Variants in ANXA3 observed in about 807,000 individuals in gnomAD.
ANXA3 encodes the protein annexin A3.
In ANXA3, 46 loss-of-function variants were observed where a neutral mutation model predicts 48.8. That is an observed-to-expected ratio of 0.94 (90% CI 0.74 to 1.21). The LOEUF (loss-of-function observed/expected upper bound fraction) is 1.21, where lower values mean the gene tolerates loss of function less well. Among genes scored for constraint, ANXA3 ranks in the 50% most tolerant of loss-of-function variants. The pLI is 0.00. For synonymous variants in ANXA3, 128 were observed against 134.7 expected, an observed-to-expected ratio of 0.95 and a Z score of 0.35; for missense variants, 383 against 378.6, an observed-to-expected ratio of 1.01 and a Z score of -0.10.
intron 1 of ANXA3, chr4:78,552,099 G>T (rs919176996): frequency 6.6e-6 from 1 of 152,382 alleles, no homozygotes; most frequent in Non-Finnish European, 1.5e-5. Flanking sequence ...GGAAAGTGCC[G>T]TGCCATGGGT....
chr4:78,607,567 A>G (rs1207541758), intron 12 of ANXA3, among the ~76,000 whole-genome samples: 1 of 152,196 alleles, frequency 6.6e-6, no homozygotes, highest in African/African-American at 2.4e-5. Flanking sequence ...CTTCATAGAC[A>G]AATTCTGTAT....
At chr4:78,575,118 A>T (rs1722919888) in intron 3 of ANXA3, among the ~76,000 whole-genome samples, 1 of 152,208 alleles carries the variant, frequency 6.6e-6, no homozygotes, top group Admixed American at 6.5e-5. Flanking sequence ...CCAATGACTG[A>T]TGCAGTTAAG....
chr4:78,603,063 T>C (rs1030832847), intron 11 of ANXA3: 4 of 152,332 alleles, frequency 2.6e-5, no homozygotes, highest in South Asian at 4.1e-4. Flanking sequence ...ACCAGGCCAA[T>C]TGGTTCCCTT....
intron 2 of ANXA3, among the ~76,000 whole-genome samples, chr4:78,563,735 T>C (rs998467536): frequency 1.3e-5 from 2 of 152,216 alleles, no homozygotes; most frequent in Admixed American, 6.5e-5. Context: ...GCCACCGTTC[T>C]CTAGCCAAGG....
chr4:78,590,995 T>C (rs1371258101), intron 6 of ANXA3, among the ~76,000 whole-genome samples: 1 of 152,176 alleles, frequency 6.6e-6, no homozygotes, highest in African/African-American at 2.4e-5. Context: ...CTGCCCAAGA[T>C]GCAGATATCA....
chr4:78,601,419 C>A (rs914290352), intron 10 of ANXA3, 91 bp from the exon 11 acceptor site: 6 of 1,228,228 alleles, frequency 4.9e-6, no homozygotes, highest in African/African-American at 3.0e-5. Context: ...GTATGACAGT[C>A]CAAAGAATCT....
At chr4:78,582,898 G>A (rs1053634330) in intron 5 of ANXA3, among the ~76,000 whole-genome samples, 8 of 152,196 alleles carry the variant, frequency 5.3e-5, no homozygotes, top group East Asian at 1.9e-4. Context: ...GGCTTTGTAC[G>A]CTTAAAATCC....
At chr4:78,573,072 G>A (rs201948298) in intron 2 of ANXA3, 108 bp from the exon 3 acceptor site, 26 of 864,336 alleles carry the variant, frequency 3.0e-5, no homozygotes, top group South Asian at 1.5e-4. Context: ...GAAGGTGTGC[G>A]AATTATGGGT....
Position 78,579,056 on chromosome 4 carries a change from C to T in ANXA3, c.133C>T (p.Leu45=). ...GTDEKMLISI[L]TERSNAQRQL... ...TGATGAGAAAATGCTCATCAGCATT[C>T]TGACTGAGAGGTCAAATGCACAGCG... is the stretch of plus-strand genomic sequence containing the variant. The change falls in exon 4 of 13, where the codon CTG becomes TTG. Residue 45 remains leucine, a synonymous_variant. Coordinates refer to ENST00000264908, the MANE Select transcript of ANXA3 (RefSeq NM_005139.3). 6.2e-7 allele frequency: 1 copy of T among 1,612,216 alleles called. No individual in the cohort carries two copies. Among genetic ancestry groups the T allele is most frequent in the Non-Finnish European group, 8.5e-7 (1 of 1,178,474 alleles).
rs1204397163 is a variant in ANXA3 at position 78,572,751 on chromosome 4, A to G, written c.16-429A>G. Among the ~76,000 whole-genome samples, 3 of 152,208 alleles carry G rather than the reference A, an allele frequency of 2.0e-5. No individual in the cohort carries two copies. In the South Asian group the frequency reaches 6.2e-4, roughly 32 times the overall value. On this transcript the variant is annotated intron_variant, in intron 2 of 12. Coordinates refer to ENST00000264908, the MANE Select transcript of ANXA3 (RefSeq NM_005139.3). The stretch of plus-strand genomic sequence containing the variant: ...AAGAGTAATTGGGGAGGTTGCAAAT[A>G]TTGTGACCTCCAGAATAATGGCAGG...
At chr4:78,578,298 C>CGAGAGAGAGAGAGAGAGAGAGAGAGA (rs1220106430) in intron 3 of ANXA3, among the ~76,000 whole-genome samples, 7 of 46,514 alleles carry the variant, frequency 1.5e-4, no homozygotes, top group South Asian at 9.6e-4. Context: ...AGAGAGAGAG[C>CGAGAGAGAGAGAGAGAGAGAGAGAGA]GAGAGAGAGA....
chr4:78,599,166 G>C (rs1723489063), intron 10 of ANXA3, among the ~76,000 whole-genome samples: 1 of 152,080 alleles, frequency 6.6e-6, no homozygotes, highest in Non-Finnish European at 1.5e-5. Context: ...CCCACTCAAA[G>C]TGTGCAATTC....
chr4:78,595,546 T>TTTC lies in ANXA3; in HGVS notation c.540+111_540+112insCTT, dbSNP rs369969635. ...AGCAGCAACAGGGACTTTTCTTTTT[T>TTTC]TTTTTTTCCTGTTTGAAAGAGAAGC... On this transcript the variant is annotated intron_variant, in intron 8 of 12. Transcript: ENST00000264908. The TTTC allele has an allele frequency of 2.0e-4, 255 of 1,257,180 alleles. 1 individual carries two copies. The African/African-American group carries it at 3.3e-3, about 16-fold the overall frequency. The allele number at this position is 1,257,180 out of a possible 1,614,324, so 77.9% of individuals were successfully genotyped here. A position where few individuals can be genotyped will look rare whatever the true frequency, so the allele number is the denominator to read the frequency against.
In ANXA3 at chr4:78,580,352, A is replaced by G. The variant is rs375622244; in HGVS notation, c.198+1231A>G. Among the ~76,000 whole-genome samples the G allele has an allele frequency of 1.2e-4, 18 of 152,320 alleles. 1 individual carries two copies. The East Asian group carries it at 3.3e-3, about 28-fold the overall frequency. ...GCCCTGAAGCAAAAAGAAACTGGGA[A>G]TATGTGAGAAATAAAGAATTCCAAT... On this transcript the variant is annotated intron_variant, in intron 4 of 12. Coordinates refer to ENST00000264908, the MANE Select transcript of ANXA3 (RefSeq NM_005139.3).
intron 2 of ANXA3, among the ~76,000 whole-genome samples, chr4:78,563,110 G>A (rs1034126019): frequency 2.0e-5 from 3 of 152,124 alleles, no homozygotes; most frequent in East Asian, 3.8e-4. Flanking sequence ...ACATTAGGAA[G>A]CATTCTTAAA....
intron 3 of ANXA3, among the ~76,000 whole-genome samples, chr4:78,574,933 C>T (rs913547703): frequency 2.0e-5 from 3 of 152,170 alleles, no homozygotes; most frequent in African/African-American, 7.2e-5. Context: ...GAAATTTTGC[C>T]ATACTGCTCT....
intron 2 of ANXA3, among the ~76,000 whole-genome samples, chr4:78,564,078 A>G (rs991615691): frequency 6.6e-6 from 1 of 152,264 alleles, no homozygotes; most frequent in Admixed American, 6.5e-5. Context: ...AATTATTTAT[A>G]ATCTGCTTTA....
chr4:78,553,347 TTA>T (rs1355297482), intron 1 of ANXA3, among the ~76,000 whole-genome samples: 4 of 152,202 alleles, frequency 2.6e-5, no homozygotes, highest in Non-Finnish European at 4.4e-5. Context: ...AGTTTTTTTT[TTA>T]AATATCTACC....
intron 2 of ANXA3, among the ~76,000 whole-genome samples, chr4:78,557,287 G>A (rs1305745899): frequency 6.6e-6 from 1 of 152,000 alleles, no homozygotes; most frequent in South Asian, 2.1e-4. Context: ...TTCTTTCTGG[G>A]GGATCTCTTT....
Sources: gnomAD v4.1 joint callset for allele counts (sites outside exome capture counted in the v4.1 genomes callset) on GRCh38, gnomAD v4.1.1 for gene constraint, MANE v1.5 for transcripts, NCBI Gene and HGNC (gene_info 2026-07-23, HGNC 2026-07-21) for gene names.